Variants in LIN7A observed in about 807,000 individuals in gnomAD.
LIN7A encodes the protein protein lin-7 homolog A.
In LIN7A, 25 loss-of-function variants were observed where a neutral mutation model predicts 29.8. That is an observed-to-expected ratio of 0.84 (90% CI 0.61 to 1.17). The LOEUF (loss-of-function observed/expected upper bound fraction) is 1.17. Ranked by LOEUF, LIN7A falls within the 50% of genes most tolerant of loss-of-function variation. The pLI is 0.00. For synonymous variants in LIN7A, 118 were observed against 107.5 expected, an observed-to-expected ratio of 1.10 and a Z score of -0.60; for missense variants, 239 against 287.0, an observed-to-expected ratio of 0.83 and a Z score of 1.21.
At chr12:80,815,014 T>C (rs562511921) in intron 4 of LIN7A, among the ~76,000 whole-genome samples, 1 of 152,314 alleles carries the variant, frequency 6.6e-6, no homozygotes, top group Non-Finnish European at 1.5e-5. Context: ...TTTAGAAAGA[T>C]ATTAAGAAAT....
intron 1 of LIN7A, among the ~76,000 whole-genome samples, chr12:80,928,272 G>C (rs1300616071): frequency 6.6e-6 from 1 of 152,066 alleles, no homozygotes; most frequent in African/African-American, 2.4e-5. Flanking sequence ...AGATCCTTGA[G>C]GGATCGCCAC....
In LIN7A at chr12:80,837,252, A is replaced by G. The variant is rs1266794620; in HGVS notation, c.483+8478T>C. Among the ~76,000 whole-genome samples, 4 of 152,188 alleles carry G rather than the reference A, an allele frequency of 2.6e-5. No individual in the cohort carries two copies. The South Asian group carries it at 6.2e-4, about 24-fold the overall frequency. On this transcript the variant is annotated intron_variant, in intron 4 of 5. Transcript: ENST00000552864. ...TAGAGGACTGGATAATTTCTCAAAG[A>G]TATTAATATCAGGTCCTATTCCCCA...
At chr12:80,912,476 G>T (rs1876801553) in intron 1 of LIN7A, among the ~76,000 whole-genome samples, 2 of 152,076 alleles carry the variant, frequency 1.3e-5, no homozygotes, top group Non-Finnish European at 2.9e-5. Context: ...AACAATTTGG[G>T]AGGCTGAGGT....
chr12:80,924,870 A>G (rs1877498702), intron 1 of LIN7A, among the ~76,000 whole-genome samples: 1 of 152,162 alleles, frequency 6.6e-6, no homozygotes. Flanking sequence ...TGAATCTCAA[A>G]ATCCATCTGT....
chr12:80,889,996 T>A (rs1875542026), intron 1 of LIN7A, among the ~76,000 whole-genome samples: 1 of 152,136 alleles, frequency 6.6e-6, no homozygotes, highest in East Asian at 1.9e-4. Context: ...TCCAGCCTCT[T>A]CAAATGGTCC....
intron 4 of LIN7A, among the ~76,000 whole-genome samples, chr12:80,828,906 G>C (rs968455172): frequency 6.6e-6 from 1 of 152,120 alleles, no homozygotes; most frequent in Non-Finnish European, 1.5e-5. Context: ...AGAGGGGCTG[G>C]AACGGATTGA....
chr12:80,907,419 G>A (rs1044729348), intron 1 of LIN7A, among the ~76,000 whole-genome samples: 1 of 152,106 alleles, frequency 6.6e-6, no homozygotes, highest in Non-Finnish European at 1.5e-5. Context: ...CACTTACTTG[G>A]AAAATGCATT....
intron 5 of LIN7A, among the ~76,000 whole-genome samples, chr12:80,798,503 C>T (rs1038482513): frequency 2.0e-5 from 3 of 152,058 alleles, no homozygotes; most frequent in East Asian, 3.9e-4. Flanking sequence ...GATTGAAAAC[C>T]GTGCATAAAC....
intron 2 of LIN7A, among the ~76,000 whole-genome samples, chr12:80,885,375 C>T (rs916052327): frequency 6.6e-6 from 1 of 152,124 alleles, no homozygotes; most frequent in Non-Finnish European, 1.5e-5. Flanking sequence ...TATTTCATCT[C>T]TCATTCAAAA....
At chr12:80,841,387 GGAAGGAAGGAAGGAAGGA>G (rs1314818756) in intron 4 of LIN7A, among the ~76,000 whole-genome samples, 3 of 147,426 alleles carry the variant, frequency 2.0e-5, no homozygotes, top group African/African-American at 7.8e-5. Flanking sequence ...AAGGAAGGAA[GGAAGGAAGGAAGGAAGGA>G]AGGAGGGAAA....
Position 80,794,811 on chromosome 12 carries a change from T to C in LIN7A, c.*2916A>G, listed in dbSNP as rs1308704393. 6.6e-6 allele frequency: 1 copy of C among 152,136 alleles called. No homozygotes were observed. Among genetic ancestry groups the C allele is most frequent in the African/African-American group, 2.4e-5 (1 of 41,444 alleles). 9.4% of individuals were successfully genotyped at this position (152,136 alleles called of 1,614,324 possible). ...AGTCAATTGTAACTTAAGCTCATTA[T>C]CTCCCTGCAGATGTTCTATTTCAAA... On this transcript the variant is annotated 3_prime_UTR_variant, in exon 6 of 6. Coordinates refer to ENST00000552864, the MANE Select transcript of LIN7A (RefSeq NM_004664.4).
At chr12:80,824,908 T>C (rs1871987124) in intron 4 of LIN7A, among the ~76,000 whole-genome samples, 1 of 152,132 alleles carries the variant, frequency 6.6e-6, no homozygotes, top group African/African-American at 2.4e-5. Flanking sequence ...GCCAACATTA[T>C]ACTGAATGGG....
chr12:80,883,818 C>T (rs1875191170), intron 2 of LIN7A, among the ~76,000 whole-genome samples: 1 of 152,204 alleles, frequency 6.6e-6, no homozygotes, highest in South Asian at 2.1e-4. Context: ...CACAACACTA[C>T]TCTATGAACT....
intron 4 of LIN7A, chr12:80,832,466 T>C (rs1328638976): frequency 1.1e-5 from 5 of 449,930 alleles, no homozygotes; most frequent in Non-Finnish European, 2.3e-5. Flanking sequence ...TGGGATCAAC[T>C]CTGGTGCTCC....
chr12:80,825,992 T>G (rs903985664), intron 4 of LIN7A, among the ~76,000 whole-genome samples: 3 of 152,204 alleles, frequency 2.0e-5, no homozygotes, highest in Non-Finnish European at 4.4e-5. Flanking sequence ...TCCTATAAAG[T>G]GTAAAATGGC....
At chr12:80,850,043 G>T (rs1873254775) in intron 2 of LIN7A, among the ~76,000 whole-genome samples, 1 of 152,088 alleles carries the variant, frequency 6.6e-6, no homozygotes, top group Non-Finnish European at 1.5e-5. Flanking sequence ...AAAACAAAAG[G>T]TGATTTTGTA....
At chr12:80,900,095 T>C (rs1330004722) in intron 1 of LIN7A, among the ~76,000 whole-genome samples, 2 of 152,198 alleles carry the variant, frequency 1.3e-5, no homozygotes, top group Non-Finnish European at 2.9e-5. Flanking sequence ...TTTGTATTCC[T>C]GTGGAGATGG....
intron 2 of LIN7A, among the ~76,000 whole-genome samples, chr12:80,888,782 T>C (rs1274367796): frequency 2.0e-5 from 3 of 152,172 alleles, no homozygotes; most frequent in Non-Finnish European, 4.4e-5. Flanking sequence ...AGGATTACAA[T>C]GTAGATTTGC....
intron 1 of LIN7A, among the ~76,000 whole-genome samples, chr12:80,893,649 A>C (rs1373138480): frequency 6.6e-6 from 1 of 152,140 alleles, no homozygotes; most frequent in Non-Finnish European, 1.5e-5. Flanking sequence ...TCCAACAACT[A>C]AGTAAGGAAG....
Sources: allele counts gnomAD v4.1 joint callset (sites outside exome capture counted in the v4.1 genomes callset), GRCh38; gene constraint gnomAD v4.1.1; transcripts MANE v1.5; gene names NCBI Gene and HGNC (gene_info 2026-07-23, HGNC 2026-07-21).